Variants in ADCY10 observed in about 807,000 individuals in gnomAD.
ADCY10 encodes adenylate cyclase type 10.
Under a neutral mutation model 183.3 loss-of-function variants are expected in ADCY10, and 156 were observed. The observed-to-expected ratio is 0.85, with a 90% CI of 0.75 to 0.97. The LOEUF (loss-of-function observed/expected upper bound fraction) is 0.97. ADCY10 is among the 50% of genes least tolerant of loss of function. The pLI is 0.00. For synonymous variants in ADCY10, 645 were observed against 670.0 expected (o/e 0.96, Z 0.58); for missense variants, 1,745 against 1,934.3 (o/e 0.90, Z 1.84).
Position 167,831,189 on chromosome 1 carries a change from C to T in ADCY10, c.3594-1766G>A, listed in dbSNP as rs1663701328. Reference sequence around the variant, plus strand: ...TTAGGAAACATGGACAGGGTAAAATCTCTCTCTCTTTTTTTTTTGAGACGG... The same window carrying T: ...TTAGGAAACATGGACAGGGTAAAATTTCTCTCTCTTTTTTTTTTGAGACGG... On this transcript the variant is annotated intron_variant, in intron 25 of 32. Transcript: ENST00000367851. Among the ~76,000 whole-genome samples the T allele has an allele frequency of 1.4e-5, 2 of 148,110 alleles. 1 individual carries two copies. The highest frequency in any genetic ancestry group is 1.4e-4 in the Admixed American group (2 of 14,808).
At chr1:167,867,382 A>G (rs1666780370) in intron 14 of ADCY10, among the ~76,000 whole-genome samples, 1 of 152,226 alleles carries the variant, frequency 6.6e-6, no homozygotes, top group Non-Finnish European at 1.5e-5. Flanking sequence ...GGACTTGTAC[A>G]GTAAGGACTT....
intron 9 of ADCY10, among the ~76,000 whole-genome samples, chr1:167,882,360 C>A (rs1316754571): frequency 6.6e-6 from 1 of 151,868 alleles, no homozygotes; most frequent in African/African-American, 2.4e-5. Context: ...TGGCGCATGC[C>A]TGTAATCCCA....
At chr1:167,884,025 C>T (rs1452254350) in intron 8 of ADCY10, among the ~76,000 whole-genome samples, 1 of 152,142 alleles carries the variant, frequency 6.6e-6, no homozygotes, top group African/African-American at 2.4e-5. Flanking sequence ...TATTTTGATA[C>T]AGGCATGCAA....
Position 167,912,184 on chromosome 1 carries a change from G to C in ADCY10, c.-59+1792C>G, listed in dbSNP as rs1256728978. Among the ~76,000 whole-genome samples, 4 of 152,152 alleles carry C rather than the reference G, an allele frequency of 2.6e-5. No homozygotes were observed. In the East Asian group the frequency reaches 7.7e-4, roughly 29 times the overall value. On this transcript the variant is annotated intron_variant, in intron 1 of 32. Coordinates refer to ENST00000367851, the MANE Select transcript of ADCY10 (RefSeq NM_018417.6). ...TTTTATGTGAAGCATTCTATTGTAG[G>C]AGTTATTAAGAAATTATTTTAGGCA...
rs183008856 is a variant in ADCY10 at position 167,899,539 on chromosome 1, G to A, written c.526C>T (p.Arg176Cys). ...LVIGQAVDDV[R>C]LAQNMAQMND... Reference sequence around the variant, plus strand: ...ATCTGAGCCATGTTCTGGGCAAGGCGCACATCGTCCACTGCCTGACCAATC... The same window carrying A: ...ATCTGAGCCATGTTCTGGGCAAGGCACACATCGTCCACTGCCTGACCAATC... Residue 176 changes from arginine to cysteine, a missense_variant, in exon 6 of 33, where the codon CGC becomes TGC. Arg to Cys is a radical substitution (Grantham distance 180). Transcript: ENST00000367851. The A allele has an allele frequency of 8.7e-6, 14 of 1,614,184 alleles. No homozygotes were observed. Among genetic ancestry groups the A allele is most frequent in the Admixed American group, 1.7e-5 (1 of 60,028 alleles).
rs141144583 is a variant in ADCY10, at chr1:167,873,325, G to A, written c.1462+1806C>T. Among the ~76,000 whole-genome samples the A allele has an allele frequency of 8.0e-3, 1,220 of 152,252 alleles. 6 individuals are homozygous for A. Among genetic ancestry groups the A allele is most frequent in the Admixed American group, 0.014 (220 of 15,278 alleles). ...TGAAAACTACCTGAAAGCAGTGAAA[G>A]TGAGGCATTTCTGCTGGCCCAAGTG... On this transcript the variant is annotated intron_variant, in intron 13 of 32. Coordinates refer to ENST00000367851, the MANE Select transcript of ADCY10 (RefSeq NM_018417.6).
At chr1:167,852,431 G>C (rs1052692074) in intron 18 of ADCY10, among the ~76,000 whole-genome samples, 1 of 151,780 alleles carries the variant, frequency 6.6e-6, no homozygotes, top group Non-Finnish European at 1.5e-5. Context: ...GCGACAGAGT[G>C]AGACTCTGTC....
At chr1:167,887,357 T>A (rs1451824097) in intron 8 of ADCY10, among the ~76,000 whole-genome samples, 1 of 152,234 alleles carries the variant, frequency 6.6e-6, no homozygotes, top group African/African-American at 2.4e-5. Context: ...AGTGGAATAT[T>A]ATGCACCCAT....
rs781162130 is a variant in ADCY10 at position 167,810,857 on chromosome 1, G to A, written c.4539C>T (p.Leu1513=). 1 of 1,614,190 alleles carries A rather than the reference G, an allele frequency of 6.2e-7. No individual in the cohort carries two copies. Among genetic ancestry groups the A allele is most frequent in the Admixed American group, 1.7e-5 (1 of 60,022 alleles). Residue 1513 remains leucine, a synonymous_variant, in exon 32 of 33, where the codon CTC becomes CTT. Coordinates refer to ENST00000367851, the MANE Select transcript of ADCY10 (RefSeq NM_018417.6). ...NTTGPVFCPR[L]YHLMAYVCIL... ...TACAGACGTAAGCCATCAGGTGGTAGAGCCTTGGGCAAAAGACAGGGCCAG... is the reference window on the plus strand; with the variant it reads ...TACAGACGTAAGCCATCAGGTGGTAAAGCCTTGGGCAAAAGACAGGGCCAG...
chr1:167,834,429 A>C, intron 23 of ADCY10: 1 of 360,394 alleles, frequency 2.8e-6, no homozygotes, highest in South Asian at 2.7e-5. Context: ...CCCTATTCCC[A>C]ACAACACATC....
At chr1:167,854,513 G>A (rs541220042) in intron 17 of ADCY10, 24 bp from the exon 18 acceptor site, 4 of 1,613,844 alleles carry the variant, frequency 2.5e-6, no homozygotes, top group Middle Eastern at 3.3e-4. Flanking sequence ...AAGGCAATCT[G>A]TTTACATTGA....
chr1:167,909,537 A>C (rs1339590344), intron 1 of ADCY10, among the ~76,000 whole-genome samples: 1 of 150,406 alleles, frequency 6.6e-6, no homozygotes, highest in East Asian at 1.9e-4. Context: ...TTCTTAAAAC[A>C]TTATGAGATT....
At chr1:167,879,830 A>G (rs1439220826) in intron 11 of ADCY10, among the ~76,000 whole-genome samples, 2 of 152,200 alleles carry the variant, frequency 1.3e-5, no homozygotes, top group Non-Finnish European at 2.9e-5. Context: ...AGAAGTAACT[A>G]TTTAATGTTA....
intron 13 of ADCY10, among the ~76,000 whole-genome samples, 174 bp from the exon 14 acceptor site, chr1:167,870,584 G>A (rs569058979): frequency 6.7e-6 from 1 of 150,114 alleles, no homozygotes; most frequent in South Asian, 2.1e-4. Flanking sequence ...GCTGAGGTCA[G>A]GAGTTCGTGA....
Position 167,902,050 on chromosome 1 carries a change from C to T in ADCY10, c.258G>A (p.Val86=). Residue 86 remains valine (V), a synonymous_variant, in exon 4 of 33, where the codon GTG becomes GTA. Coordinates refer to ENST00000367851, the MANE Select transcript of ADCY10 (RefSeq NM_018417.6). ...NYHISAIVEK[V]LIFGGDILKF... is the part of the protein sequence containing the mutation. The stretch of plus-strand genomic sequence containing the variant: ...TCAGGATGTCTCCTCCAAAAATCAA[C>T]ACTTCTGAGAAAAAAAAAAAAAATT... The T allele has an allele frequency of 6.2e-7, 1 of 1,604,832 alleles. No individual in the cohort carries two copies. Among genetic ancestry groups the T allele is most frequent in the African/African-American group, 1.4e-5 (1 of 71,150 alleles).
rs1358128755 is a variant in ADCY10 at position 167,902,125 on chromosome 1, T to C, written c.254-71A>G. 6 of 1,414,944 alleles carry C rather than the reference T, an allele frequency of 4.2e-6. No homozygotes were observed. In the African/African-American group the frequency reaches 8.5e-5, roughly 20 times the overall value. The allele number at this position is 1,414,944 out of a possible 1,614,324, so 87.6% of individuals were successfully genotyped here. ...GTAGTAAAAAAACATCATTCTTTCT[T>C]AGTGGAATAGAAACTAGGTCAAAAG... On this transcript the variant is annotated intron_variant, in intron 3 of 32. Transcript: ENST00000367851.
intron 7 of ADCY10, among the ~76,000 whole-genome samples, chr1:167,895,037 C>A (rs1186873300): frequency 1.3e-5 from 2 of 152,170 alleles, no homozygotes; most frequent in East Asian, 3.9e-4. Context: ...CAAAAATTAG[C>A]TGGGTGTGGT....
rs74574292 is a variant in ADCY10, at chr1:167,841,785, A to G, written c.3007+3778T>C. Reference sequence around the variant, plus strand: ...ACTGCACCCAGATATTTACTTCTTTATTATGTTTTTGTTCTCCACTGTCTA... The same window carrying G: ...ACTGCACCCAGATATTTACTTCTTTGTTATGTTTTTGTTCTCCACTGTCTA... On this transcript the variant is annotated intron_variant, in intron 21 of 32. Coordinates refer to ENST00000367851, the MANE Select transcript of ADCY10 (RefSeq NM_018417.6). Among the ~76,000 whole-genome samples, 372 of 152,086 alleles carry G rather than the reference A, an allele frequency of 2.4e-3. 14 individuals carry two copies. In the East Asian group the frequency reaches 0.065, roughly 27 times the overall value.
At chr1:167,900,498 A>C (rs1312040641) in intron 5 of ADCY10, among the ~76,000 whole-genome samples, 2 of 151,818 alleles carry the variant, frequency 1.3e-5, no homozygotes, top group African/African-American at 4.8e-5. Context: ...TATTATAATA[A>C]CTTTGATTTT....
Sources: gnomAD v4.1 joint callset for allele counts (sites outside exome capture counted in the v4.1 genomes callset) on GRCh38, gnomAD v4.1.1 for gene constraint, MANE v1.5 for transcripts, NCBI Gene and HGNC (gene_info 2026-07-23, HGNC 2026-07-21) for gene names.